The following HLCS variants were observed in gnomAD, a reference collection of about 807,000 sequenced individuals.
The protein encoded by HLCS is holocarboxylase synthetase, also known as biotin--protein ligase.
Under a neutral mutation model 75.0 loss-of-function variants are expected in HLCS, and 53 were observed. The ratio of observed to expected loss-of-function variants is 0.71; its 90% CI spans 0.57 to 0.89. HLCS has a LOEUF of 0.89. HLCS is among the 40% of genes least tolerant of loss of function. The pLI is 0.00. For synonymous variants in HLCS, 431 were observed against 428.6 expected (o/e 1.01, Z -0.07); for missense variants, 966 against 1,074.0 (o/e 0.90, Z 1.41).
chr21:36,957,302 C>T (rs548046136), intron 2 of HLCS, among the ~76,000 whole-genome samples: 2 of 152,262 alleles, frequency 1.3e-5, no homozygotes, highest in South Asian at 2.1e-4. Context: ...CACTCTCATT[C>T]TTGCCATGTG....
chr21:36,928,947 C>A (rs1254923483), intron 5 of HLCS, among the ~76,000 whole-genome samples: 2 of 152,314 alleles, frequency 1.3e-5, no homozygotes, highest in African/African-American at 4.8e-5. Flanking sequence ...TCACCTCCCA[C>A]TGCCCCAGGC....
intron 7 of HLCS, among the ~76,000 whole-genome samples, chr21:36,765,607 T>A (rs765320692): frequency 6.6e-6 from 1 of 152,188 alleles, no homozygotes; most frequent in African/African-American, 2.4e-5. Flanking sequence ...CCAGCAAATA[T>A]GCCATTAAAT....
At chr21:36,782,872 T>TA (rs1439278616) in intron 6 of HLCS, among the ~76,000 whole-genome samples, 4 of 151,940 alleles carry the variant, frequency 2.6e-5, no homozygotes, top group Admixed American at 1.3e-4. Flanking sequence ...TAGTCCTAGA[T>TA]ACTCACGAGG....
At chr21:36,989,308 G>C (rs970078329) in intron 1 of HLCS, among the ~76,000 whole-genome samples, 1 of 131,554 alleles carries the variant, frequency 7.6e-6, no homozygotes, top group Non-Finnish European at 1.6e-5. Flanking sequence ...ACAGTGTCTG[G>C]CCCATCTTTT....
At chr21:36,912,764 C>T (rs1045572616) in intron 5 of HLCS, among the ~76,000 whole-genome samples, 11 of 152,228 alleles carry the variant, frequency 7.2e-5, no homozygotes, top group Admixed American at 4.6e-4. Context: ...AGCCACCCCC[C>T]CCAACCCCTG....
chr21:36,877,138 T>C (rs2064011292), intron 6 of HLCS, among the ~76,000 whole-genome samples: 1 of 152,202 alleles, frequency 6.6e-6, no homozygotes. Flanking sequence ...TCTTTATAAT[T>C]GAAGTGTGTC....
intron 1 of HLCS, among the ~76,000 whole-genome samples, chr21:36,988,609 G>A (rs1024222223): frequency 1.3e-5 from 2 of 152,190 alleles, no homozygotes; most frequent in African/African-American, 2.4e-5. Context: ...AAATGCATAT[G>A]TAGTTTTGTT....
chr21:36,768,146 A>C (rs2090107753), intron 6 of HLCS, among the ~76,000 whole-genome samples: 1 of 152,246 alleles, frequency 6.6e-6, no homozygotes, highest in African/African-American at 2.4e-5. Context: ...TCGAGGTAGG[A>C]TTCATCAACA....
chr21:36,779,502 G>A (rs2060464477), intron 6 of HLCS, among the ~76,000 whole-genome samples: 1 of 151,994 alleles, frequency 6.6e-6, no homozygotes, highest in Admixed American at 6.5e-5. Context: ...TTCTCCAATA[G>A]TGGGAAATCT....
intron 6 of HLCS, among the ~76,000 whole-genome samples, chr21:36,815,022 C>G (rs1360620861): frequency 6.8e-6 from 1 of 146,356 alleles, no homozygotes; most frequent in South Asian, 2.2e-4. Flanking sequence ...ATCAATGAAG[C>G]TTTGCTTTTT....
At chr21:36,935,476 GCAT>G (rs1257362525) in intron 4 of HLCS, among the ~76,000 whole-genome samples, 1 of 152,016 alleles carries the variant, frequency 6.6e-6, no homozygotes, top group Non-Finnish European at 1.5e-5. Flanking sequence ...AAAAGACAAG[GCAT>G]TACAAAATGA....
At chr21:36,894,241 C>T (rs2146324525) in intron 6 of HLCS, among the ~76,000 whole-genome samples, 1 of 152,344 alleles carries the variant, frequency 6.6e-6, no homozygotes, top group South Asian at 2.1e-4. Flanking sequence ...GCTTCCTGTA[C>T]AGCCTGCAGA....
intron 6 of HLCS, among the ~76,000 whole-genome samples, chr21:36,812,740 C>T (rs2061548750): frequency 6.6e-6 from 1 of 152,078 alleles, no homozygotes; most frequent in Admixed American, 6.5e-5. Flanking sequence ...AAATTTTTCA[C>T]CTCTGACTTT....
At chr21:36,973,227 CTTTTTTTTTTTTTT>C (rs11327894) in intron 1 of HLCS, among the ~76,000 whole-genome samples, 2 of 91,070 alleles carry the variant, frequency 2.2e-5, no homozygotes, top group Non-Finnish European at 2.1e-5. Flanking sequence ...AAGACCCTGT[CTTTTTTTTTTTTTT>C]TTTTTTTTTT....
intron 1 of HLCS, among the ~76,000 whole-genome samples, chr21:36,973,335 A>G (rs1391711469): frequency 6.6e-6 from 1 of 151,668 alleles, no homozygotes; most frequent in Non-Finnish European, 1.5e-5. Context: ...AGAACTCCAA[A>G]TCAATGAGGA....
intron 6 of HLCS, among the ~76,000 whole-genome samples, chr21:36,845,106 T>C (rs1351724166): frequency 2.0e-5 from 3 of 152,220 alleles, no homozygotes; most frequent in Non-Finnish European, 4.4e-5. Flanking sequence ...ATGGGTTTAA[T>C]AACTTTTGTC....
At chr21:36,917,591 G>T in intron 5 of HLCS, among the ~76,000 whole-genome samples, 1 of 152,198 alleles carries the variant, frequency 6.6e-6, no homozygotes, top group Non-Finnish European at 1.5e-5. Context: ...ATACCTGGCT[G>T]TAAGGGCTAC....
At chr21:36,766,632 C>G (rs1396575301) in intron 7 of HLCS, among the ~76,000 whole-genome samples, 3 of 152,064 alleles carry the variant, frequency 2.0e-5, no homozygotes, top group African/African-American at 7.2e-5. Context: ...GGGGCCAAGC[C>G]CCGTGGAGCA....
intron 1 of HLCS, among the ~76,000 whole-genome samples, chr21:36,972,540 C>A (rs1250471363): frequency 6.6e-6 from 1 of 152,158 alleles, no homozygotes; most frequent in Non-Finnish European, 1.5e-5. Context: ...CCAGTGAAAC[C>A]TCTGATGGAC....
Sources: gnomAD v4.1 joint callset for allele counts (sites outside exome capture counted in the v4.1 genomes callset) on GRCh38, gnomAD v4.1.1 for gene constraint, MANE v1.5 for transcripts, NCBI Gene and HGNC (gene_info 2026-07-23, HGNC 2026-07-21) for gene names.